GRIN1: variants seen among roughly 807,000 people sequenced by gnomAD.
GRIN1 encodes glutamate receptor ionotropic, NMDA 1.
A neutral mutation model predicts 103.0 loss-of-function variants in GRIN1; 38 were observed. That is an observed-to-expected ratio of 0.37 (90% CI 0.28 to 0.48). GRIN1 has a LOEUF of 0.48. GRIN1 is among the 20% of genes least tolerant of loss of function. The probability of loss-of-function intolerance (pLI) is 0.98; values close to 1 mark genes in which losing one functional copy is unlikely to be tolerated. For missense variants in GRIN1, 577 were observed against 1,288.9 expected, an observed-to-expected ratio of 0.45 and a Z score of 8.46; for synonymous variants, 544 against 532.7, an observed-to-expected ratio of 1.02 and a Z score of -0.29.
chr9:137,163,942 C>T (rs1016836172), intron 18 of GRIN1, 38 bp downstream of exon 18: 1 of 1,608,392 alleles, frequency 6.2e-7, no homozygotes, highest in African/African-American at 1.3e-5. Context: ...GTGCCCAGGG[C>T]CCGGCCTGGC....
Position 137,161,921 on chromosome 9 carries a change from C to A in GRIN1, c.1468-3C>A. 6.4e-7 allele frequency: 1 copy of A among 1,556,458 alleles called. No individual in the cohort carries two copies. Among genetic ancestry groups the A allele is most frequent in the Non-Finnish European group, 8.7e-7 (1 of 1,150,626 alleles). The stretch of plus-strand genomic sequence containing the variant: ...CATGCCCGCCGGCTCTGTCGCCTCG[C>A]AGGTGAACAACAGCAACAAGAAGGA... On this transcript the variant is annotated splice_polypyrimidine_tract_variant and splice_region_variant and intron_variant, in intron 10 of 19. Transcript: ENST00000371561.
chr9:137,141,824 G>A (rs1218651474), intron 1 of GRIN1, among the ~76,000 whole-genome samples, 189 bp from the exon 2 acceptor site: 1 of 152,136 alleles, frequency 6.6e-6, no homozygotes, highest in African/African-American at 2.4e-5. Context: ...GGAGGTCCGG[G>A]TGGGGTCTCC....
rs988119672 is a variant in GRIN1, at chr9:137,162,718, C to T, written c.1992C>T (p.Ile664=). 6.2e-7 allele frequency: 1 copy of T among 1,606,360 alleles called. No homozygotes were observed. ...FLVLDRPEER[I]TGINDPRLRN... ...TGCTGGACCGGCCGGAGGAGCGCAT[C>T]ACGGGCATCAACGACCCTCGGGTGA... The change falls in exon 14 of 20, where the codon ATC becomes ATT. Residue 664 remains isoleucine (I), a synonymous_variant. Coordinates refer to ENST00000371561, the MANE Select transcript of GRIN1 (RefSeq NM_007327.4).
At chr9:137,158,986 C>A (rs1216781614) in intron 8 of GRIN1, among the ~76,000 whole-genome samples, 2 of 152,206 alleles carry the variant, frequency 1.3e-5, no homozygotes, top group African/African-American at 4.8e-5. Context: ...CTGACAGGAC[C>A]CTGCTGGGGA....
At position 137,168,411 on chromosome 9, in the gene GRIN1, CT is replaced by C; in HGVS notation, c.*885del. On this transcript the variant is annotated 3_prime_UTR_variant, in exon 20 of 20. Coordinates refer to ENST00000371561, the MANE Select transcript of GRIN1 (RefSeq NM_007327.4). ...AGCGCCTCCCGCCGCCTCGGGCCGC[CT>C]CCTCCAGACTCGAGAGGGCTGAGCC... 1 of 196,074 alleles carries C rather than the reference CT, an allele frequency of 5.1e-6. No homozygotes were observed. The highest frequency in any genetic ancestry group is 1.0e-5 in the Non-Finnish European group (1 of 98,104). 12.1% of individuals were successfully genotyped at this position (196,074 alleles called of 1,614,324 possible).
chr9:137,150,742 AG>A (rs1458448593), intron 4 of GRIN1, among the ~76,000 whole-genome samples: 23 of 147,100 alleles, frequency 1.6e-4, no homozygotes, highest in African/African-American at 5.8e-4. Context: ...GCCCAGGGAA[AG>A]CCCCGCCCAG....
chr9:137,161,516 G>T (rs1218970764), intron 10 of GRIN1, 100 bp downstream of exon 10: 2 of 1,173,178 alleles, frequency 1.7e-6, no homozygotes, highest in African/African-American at 1.5e-5. Flanking sequence ...AGATGGTGGG[G>T]GGTCCTGGGG....
intron 8 of GRIN1, among the ~76,000 whole-genome samples, chr9:137,160,017 T>G (rs1043726191): frequency 4.6e-5 from 7 of 152,220 alleles, no homozygotes; most frequent in African/African-American, 1.7e-4. Flanking sequence ...GTTCTGGCAG[T>G]GTGCTATGCT....
chr9:137,158,595 C>A, intron 7 of GRIN1, 26 bp from the exon 8 acceptor site: 1 of 1,609,406 alleles, frequency 6.2e-7, no homozygotes, highest in Non-Finnish European at 8.5e-7. Context: ...GCGTGGCCAC[C>A]CTCCATCTCA....
chr9:137,144,884 A>G (rs12343607), intron 2 of GRIN1, among the ~76,000 whole-genome samples: 7 of 8,326 alleles, frequency 8.4e-4, no homozygotes, highest in East Asian at 0.019. Flanking sequence ...GGGGTCCCAG[A>G]GTCTAGAAAG....
At chr9:137,161,645 T>TCGGAGAGGGTGGGGCA (rs1564362404) in intron 10 of GRIN1, among the ~76,000 whole-genome samples, 1 of 55,502 alleles carries the variant, frequency 1.8e-5, no homozygotes, top group Non-Finnish European at 3.2e-5. Context: ...GACGTGGGGG[T>TCGGAGAGGGTGGGGCA]CGGAGTGGGT....
chr9:137,156,184 A>G (rs903177644), intron 4 of GRIN1, among the ~76,000 whole-genome samples: 2 of 152,204 alleles, frequency 1.3e-5, no homozygotes, highest in Admixed American at 1.3e-4. Flanking sequence ...CACTTCGAGC[A>G]GTGCCTGGTA....
chr9:137,164,023 G>A (rs763164516), intron 18 of GRIN1, 119 bp downstream of exon 18: 2 of 1,240,296 alleles, frequency 1.6e-6, no homozygotes, highest in Admixed American at 1.8e-5. Flanking sequence ...GGAGCTAGGA[G>A]CCATGGCCAG....
chr9:137,144,807 GACAC>G (rs1490077071), intron 2 of GRIN1, among the ~76,000 whole-genome samples: 44 of 10,026 alleles, frequency 4.4e-3, no homozygotes, highest in South Asian at 7.8e-3. Context: ...AGGGGTGGGA[GACAC>G]GAGGGGGTCC....
chr9:137,151,848 T>C (rs1216786006), intron 4 of GRIN1, among the ~76,000 whole-genome samples: 2 of 149,386 alleles, frequency 1.3e-5, no homozygotes, highest in African/African-American at 2.5e-5. Flanking sequence ...GTATTTTTAG[T>C]AGAGACGGGG....
chr9:137,166,427 C>T (rs1833881129), intron 19 of GRIN1, among the ~76,000 whole-genome samples: 2 of 152,226 alleles, frequency 1.3e-5, no homozygotes, highest in African/African-American at 4.8e-5. Context: ...AGGGACCAGT[C>T]TGGCCCACAG....
chr9:137,139,624 G>C lies in GRIN1; in HGVS notation c.138G>C (p.Val46=). The C allele has an allele frequency of 6.2e-7, 1 of 1,613,878 alleles. No individual in the cohort carries two copies. Among genetic ancestry groups the C allele is most frequent in the Non-Finnish European group, 8.5e-7 (1 of 1,180,000 alleles). The change falls in exon 1 of 20, where the codon GTG becomes GTC. Residue 46 remains valine, a synonymous_variant. Coordinates refer to ENST00000371561, the MANE Select transcript of GRIN1 (RefSeq NM_007327.4). The surrounding 1 kb of genome is among the most constrained non-coding windows in gnomAD (Gnocchi z 7.7). ...RKHEQMFREA[V]NQANKRHGSW... ...ACGAGCAGATGTTCCGCGAGGCCGT[G>C]AACCAGGCCAACAAGCGGCACGGCT...
intron 4 of GRIN1, among the ~76,000 whole-genome samples, chr9:137,149,682 G>A (rs1382671711): frequency 1.3e-5 from 2 of 152,206 alleles, no homozygotes; most frequent in Non-Finnish European, 2.9e-5. Context: ...TTTGCAAATG[G>A]CTAGGTTCTC....
chr9:137,147,204 C>G (rs775198337), intron 3 of GRIN1, among the ~76,000 whole-genome samples: 3 of 152,154 alleles, frequency 2.0e-5, no homozygotes, highest in Non-Finnish European at 4.4e-5. Context: ...TCACACTCCA[C>G]ACCTCTGGCC....
Sources: allele counts gnomAD v4.1 joint callset (sites outside exome capture counted in the v4.1 genomes callset), GRCh38; gene constraint gnomAD v4.1.1; non-coding constraint Gnocchi (gnomAD v3.1); transcripts MANE v1.5; gene names NCBI Gene and HGNC (gene_info 2026-07-23, HGNC 2026-07-21).